Variants in LPCAT1 observed in about 807,000 individuals in gnomAD.
LPCAT1 encodes the protein 1-acylglycerol-3-phosphate O-acyltransferase.
LPCAT1 carries 23 observed loss-of-function variants against 60.9 expected under a neutral mutation model. That is an observed-to-expected ratio of 0.38 (90% CI 0.27 to 0.53). LPCAT1 has a LOEUF of 0.53. Ranked by LOEUF, LPCAT1 falls within the 20% of genes least tolerant of loss-of-function variation. The pLI is 0.82. For missense variants in LPCAT1, 622 were observed against 723.6 expected (o/e 0.86, Z 1.61); for synonymous variants, 340 against 301.1 (o/e 1.13, Z -1.34).
In LPCAT1 at chr5:1,483,290, A is replaced by T; in HGVS notation, c.726+138T>A. On this transcript the variant is annotated intron_variant, in intron 6 of 13. Coordinates refer to ENST00000283415, the MANE Select transcript of LPCAT1 (RefSeq NM_024830.5). This position sits in a 1 kb window ranked among gnomAD's most constrained non-coding sequence, Gnocchi z 9.2. ...CCTCTCCAGCGCTGAGGCCGGATGG[A>T]CTCAGCATGGCCAAGTGTGGGCTGT... 1 of 973,280 alleles carries T rather than the reference A, an allele frequency of 1.0e-6. No homozygotes were observed. Among genetic ancestry groups the T allele is most frequent in the Non-Finnish European group, 1.6e-6 (1 of 609,062 alleles). 60.3% of individuals were successfully genotyped at this position (973,280 alleles called of 1,614,324 possible).
rs1296619555 is a variant in LPCAT1 at position 1,481,624 on chromosome 5, T to C, written c.727-648A>G. On this transcript the variant is annotated intron_variant, in intron 6 of 13. Transcript: ENST00000283415. This position sits in a 1 kb window ranked among gnomAD's most constrained non-coding sequence, Gnocchi z 7.8. Reference sequence around the variant, plus strand: ...TCTTGGTGCATCCAGTAATAGTGTGTTGCTTTAAACACACTGATGAAACAA... The same window carrying C: ...TCTTGGTGCATCCAGTAATAGTGTGCTGCTTTAAACACACTGATGAAACAA... 6.6e-6 allele frequency among the ~76,000 whole-genome samples: 1 copy of C among 152,266 alleles called. No homozygotes were observed. The highest frequency in any genetic ancestry group is 1.5e-5 in the Non-Finnish European group (1 of 68,046).
intron 1 of LPCAT1, among the ~76,000 whole-genome samples, chr5:1,507,092 G>A (rs1315358928): frequency 6.6e-6 from 1 of 152,166 alleles, no homozygotes; most frequent in Non-Finnish European, 1.5e-5. Flanking sequence ...TGTGGCCAGA[G>A]GCTGAATGCG....
intron 2 of LPCAT1, among the ~76,000 whole-genome samples, chr5:1,499,856 C>T (rs73033814): frequency 0.017 from 2,519 of 152,342 alleles, 71 homozygotes; most frequent in African/African-American, 0.056. Flanking sequence ...CAAGGAGAAC[C>T]GAAGCTCAGG....
In LPCAT1 at chr5:1,470,844, G is replaced by A; in HGVS notation, c.1260C>T (p.Thr420=). 6.2e-7 allele frequency: 1 copy of A among 1,613,704 alleles called. No individual in the cohort carries two copies. The change falls in exon 12 of 14, where the codon ACC becomes ACT. Residue 420 remains threonine, a synonymous_variant. Transcript: ENST00000283415. ...VVCRPARTLD[T]IQLAFKMYGA... ...CACTCACCTTGAAAGCCAGCTGGAT[G>A]GTGTCCAGGGTCCGGGCCGGCCGGC...
chr5:1,509,243 C>T (rs555066574), intron 1 of LPCAT1, among the ~76,000 whole-genome samples: 7 of 152,392 alleles, frequency 4.6e-5, no homozygotes, highest in South Asian at 2.1e-4. Flanking sequence ...CCAAGCTCTA[C>T]GGTTAGCGCG....
intron 8 of LPCAT1, among the ~76,000 whole-genome samples, chr5:1,478,341 T>A (rs1174290969): frequency 6.6e-6 from 1 of 152,272 alleles, no homozygotes; most frequent in Non-Finnish European, 1.5e-5. Context: ...TTTCTAAAAC[T>A]TCCGTAAACT....
rs796340034 is a variant in LPCAT1, at chr5:1,518,232, C to T, written c.135+5478G>A. ...GACGCCTTCCAGAGAAAAGGCAATG[C>T]GTGGTTTAAAGCGGAAAAAAAACAC... On this transcript the variant is annotated intron_variant, in intron 1 of 13. Coordinates refer to ENST00000283415, the MANE Select transcript of LPCAT1 (RefSeq NM_024830.5). Among the ~76,000 whole-genome samples the T allele has an allele frequency of 2.4e-4, 37 of 151,998 alleles. 1 individual carries two copies. Among genetic ancestry groups the T allele is most frequent in the African/African-American group, 5.3e-4 (22 of 41,434 alleles).
In LPCAT1 at chr5:1,496,006, G is replaced by A. The variant is rs1350545574; in HGVS notation, c.279-1092C>T. Among the ~76,000 whole-genome samples, 1 of 152,238 alleles carries A rather than the reference G, an allele frequency of 6.6e-6. No homozygotes were observed. The highest frequency in any genetic ancestry group is 1.5e-5 in the Non-Finnish European group (1 of 68,042). On this transcript the variant is annotated intron_variant, in intron 2 of 13. Transcript: ENST00000283415. The surrounding 1 kb of genome is among the most constrained non-coding windows in gnomAD (Gnocchi z 4.7). ...ACCAACCCAGGGTGCTGCTTGTCTA[G>A]AGGAGGGGGGATTACACAGGTGTGC...
intron 6 of LPCAT1, among the ~76,000 whole-genome samples, chr5:1,482,644 C>T (rs1316688819): frequency 4.8e-4 from 30 of 63,026 alleles, no homozygotes; most frequent in African/African-American, 1.6e-3. Context: ...TGGGGTGGGG[C>T]AGAGCCGGGG....
At chr5:1,463,859 GTTATGGAATGGGGACGAGC>G (rs768074253) in intron 13 of LPCAT1, 24 bp from the exon 14 acceptor site, 1 of 1,611,486 alleles carries the variant, frequency 6.2e-7, no homozygotes, top group South Asian at 1.1e-5. Flanking sequence ...GGCACCTGTG[GTTATGGAATGGGGACGAGC>G]AAATGTCTAG....
rs192667444 is a variant in LPCAT1 at position 1,483,369 on chromosome 5, G to C, written c.726+59C>G. ...AGACACAGGTGCACAGAGGCAGCTC[G>C]CAGTTCCCGTTTCCCGGAGAATTCC... On this transcript the variant is annotated intron_variant, in intron 6 of 13. Coordinates refer to ENST00000283415, the MANE Select transcript of LPCAT1 (RefSeq NM_024830.5). The surrounding 1 kb of genome is among the most constrained non-coding windows in gnomAD (Gnocchi z 9.2). The C allele has an allele frequency of 6.5e-6, 10 of 1,542,222 alleles. No individual in the cohort carries two copies. The African/African-American group carries it at 1.1e-4, about 17-fold the overall frequency.
chr5:1,490,789 G>A (rs1020418552), intron 3 of LPCAT1, among the ~76,000 whole-genome samples: 2 of 152,218 alleles, frequency 1.3e-5, no homozygotes, highest in Non-Finnish European at 2.9e-5. Flanking sequence ...ATACTTCTTA[G>A]AAGAGAAAAC....
chr5:1,520,361 G>C (rs1210393137), intron 1 of LPCAT1, among the ~76,000 whole-genome samples: 1 of 152,160 alleles, frequency 6.6e-6, no homozygotes, highest in East Asian at 1.9e-4. Context: ...GGCAGGGAGG[G>C]GCAGAATCTG....
chr5:1,493,944 C>T (rs1195963502), intron 3 of LPCAT1, among the ~76,000 whole-genome samples: 1 of 152,250 alleles, frequency 6.6e-6, no homozygotes, highest in Non-Finnish European at 1.5e-5. Flanking sequence ...TTGGAGGGAG[C>T]CAGGCCAGTC....
chr5:1,479,797 G>A (rs1735061602), intron 7 of LPCAT1, 122 bp from the exon 8 acceptor site: 7 of 740,990 alleles, frequency 9.4e-6, no homozygotes, highest in East Asian at 5.4e-5. Context: ...GGCAGTCAAC[G>A]CTCCCACGGA....
In LPCAT1 at chr5:1,466,798, G is replaced by A. The variant is rs766984997; in HGVS notation, c.1371C>T (p.Thr457=). The A allele has an allele frequency of 1.9e-6, 3 of 1,613,072 alleles. No homozygotes were observed. Among genetic ancestry groups the A allele is most frequent in the East Asian group, 2.2e-5 (1 of 44,838 alleles). ...CTTGGTCAATGGCTCGGAATAGGTC[G>A]GTCACGGTGAGCTCTGCCACCCCCA... ...TALGVAELTV[T]DLFRAIDQEE... is the part of the protein sequence containing the mutation. The change falls in exon 13 of 14, where the codon ACC becomes ACT. Residue 457 remains threonine, a synonymous_variant. Coordinates refer to ENST00000283415, the MANE Select transcript of LPCAT1 (RefSeq NM_024830.5).
In LPCAT1 at chr5:1,494,720, C is replaced by G; in HGVS notation, c.473G>C (p.Arg158Thr). Residue 158 changes from arginine to threonine, a missense_variant, in exon 3 of 14, where the codon AGA becomes ACA. By Grantham distance (71) the Arg-to-Thr change is moderately conservative. Coordinates refer to ENST00000283415, the MANE Select transcript of LPCAT1 (RefSeq NM_024830.5). The stretch of plus-strand genomic sequence containing the variant: ...CTCACTTCCCCAGATCGGGATGTCT[C>G]TGCTCTCTGCCTTCATCACGATGGA... ...MSSIVMKAES[R>T]DIPIWGTLIQ... 1 of 1,614,260 alleles carries G rather than the reference C, an allele frequency of 6.2e-7. No individual in the cohort carries two copies. The highest frequency in any genetic ancestry group is 8.5e-7 in the Non-Finnish European group (1 of 1,180,038).
In LPCAT1 at chr5:1,474,670, G is replaced by T; in HGVS notation, c.915C>A (p.Ser305=). The T allele has an allele frequency of 6.2e-7, 1 of 1,613,722 alleles. No homozygotes were observed. The highest frequency in any genetic ancestry group is 8.5e-7 in the Non-Finnish European group (1 of 1,179,926). Residue 305 remains serine, a synonymous_variant, in exon 10 of 14, where the codon TCC becomes TCA. Transcript: ENST00000283415. ...RRVMAEALGV[S]VTDYTFEDCQ... ...AGTCCTCGAACGTGTAGTCAGTCACGGAGACACCCAAGGCCCTACAAGGAG... is the reference window on the plus strand; with the variant it reads ...AGTCCTCGAACGTGTAGTCAGTCACTGAGACACCCAAGGCCCTACAAGGAG...
chr5:1,493,450 G>A (rs1044080817), intron 3 of LPCAT1, among the ~76,000 whole-genome samples: 3 of 152,246 alleles, frequency 2.0e-5, no homozygotes, highest in African/African-American at 7.2e-5. Context: ...CTAGAAAACT[G>A]TCATATGAAT....
Sources: gnomAD v4.1 joint callset for allele counts (sites outside exome capture counted in the v4.1 genomes callset) on GRCh38, gnomAD v4.1.1 for gene constraint, Gnocchi (gnomAD v3.1) non-coding constraint, MANE v1.5 for transcripts, NCBI Gene and HGNC (gene_info 2026-07-23, HGNC 2026-07-21) for gene names.